NCEH1: variants seen among roughly 807,000 people sequenced by gnomAD.
The protein encoded by NCEH1 is 2-acetyl MAGE hydrolase.
A neutral mutation model predicts 25.4 loss-of-function variants in NCEH1; 9 were observed. That is an observed-to-expected ratio of 0.35 (90% CI 0.21 to 0.62). The LOEUF is 0.62. NCEH1 is among the 20% of genes least tolerant of loss of function. NCEH1 has a pLI of 0.72. For missense variants in NCEH1, 412 were observed against 501.1 expected (o/e 0.82, Z 1.70); for synonymous variants, 200 against 199.8 (o/e 1.00, Z -0.01).
chr3:172,679,768 T>C (rs535775504), intron 1 of NCEH1, among the ~76,000 whole-genome samples: 1 of 152,160 alleles, frequency 6.6e-6, no homozygotes, highest in East Asian at 1.9e-4. Flanking sequence ...TCACTCAATA[T>C]AGTGATTCCC....
Position 172,647,983 on chromosome 3 carries a change from C to T in NCEH1, c.270G>A (p.Val90=), listed in dbSNP as rs758202819. The stretch of plus-strand genomic sequence containing the variant: ...GAGGGCCTTCAAACACTCTGACTTC[C>T]ACACCATCAAAGTCTGTGTCGGTCA... ...VKVTDTDFDG[V]EVRVFEGPPK... Residue 90 remains valine (V), a synonymous_variant, in exon 2 of 5, where the codon GTG becomes GTA. Transcript: ENST00000475381. 5 of 1,614,202 alleles carry T rather than the reference C, an allele frequency of 3.1e-6. No homozygotes were observed. The highest frequency in any genetic ancestry group is 4.2e-6 in the Non-Finnish European group (5 of 1,180,036).
chr3:172,704,412 C>T (rs904190239), intron 1 of NCEH1, among the ~76,000 whole-genome samples: 14 of 152,196 alleles, frequency 9.2e-5, no homozygotes, highest in Admixed American at 5.9e-4. Context: ...GCTCATGCTC[C>T]GAGCTCTCTT....
At chr3:172,652,783 C>A (rs1717463044) in intron 1 of NCEH1, among the ~76,000 whole-genome samples, 1 of 152,090 alleles carries the variant, frequency 6.6e-6, no homozygotes, top group Non-Finnish European at 1.5e-5. Flanking sequence ...ACAACCTTTG[C>A]CTCCCTGGTT....
intron 3 of NCEH1, among the ~76,000 whole-genome samples, chr3:172,637,664 A>G (rs234010): frequency 0.19 from 28,920 of 152,098 alleles, 3,068 homozygotes; most frequent in Non-Finnish European, 0.24. Flanking sequence ...AGAGGCAGTC[A>G]GATCACCTGA....
chr3:172,663,245 T>A (rs1052975770), intron 1 of NCEH1, among the ~76,000 whole-genome samples: 3 of 152,238 alleles, frequency 2.0e-5, no homozygotes, highest in African/African-American at 7.2e-5. Context: ...GAGCAGGTTG[T>A]TCAGTTTCCA....
rs113470472 is a variant in NCEH1, at chr3:172,667,446, G to T, written c.139-19332C>A. Among the ~76,000 whole-genome samples the T allele has an allele frequency of 2.4e-3, 362 of 152,320 alleles. 2 individuals carry two copies. Among genetic ancestry groups the T allele is most frequent in the African/African-American group, 8.4e-3 (348 of 41,568 alleles). ...TTGGGGAGCCAGGCAGATCACACAG[G>T]TTTAGGAAGTCAAAGGGAAATCACA... On this transcript the variant is annotated intron_variant, in intron 1 of 4. Transcript: ENST00000475381.
At chr3:172,687,930 C>G (rs1208529027) in intron 1 of NCEH1, among the ~76,000 whole-genome samples, 1 of 152,178 alleles carries the variant, frequency 6.6e-6, no homozygotes, top group Admixed American at 6.5e-5. Context: ...AGCCCCTAAC[C>G]TGGACAACAA....
intron 1 of NCEH1, among the ~76,000 whole-genome samples, chr3:172,675,327 A>AAATAAATAAATTAATTAATT (rs1553835602): frequency 1.3e-4 from 19 of 148,848 alleles, no homozygotes; most frequent in African/African-American, 4.9e-4. Flanking sequence ...ATAAATAAAT[A>AAATAAATAAATTAATTAATT]AATAAATAAA....
intron 1 of NCEH1, among the ~76,000 whole-genome samples, chr3:172,661,788 T>TGCTTGTGACTTTTGC (rs747606996): frequency 2.6e-5 from 4 of 152,078 alleles, no homozygotes; most frequent in Non-Finnish European, 5.9e-5. Flanking sequence ...CTTATTGGTG[T>TGCTTGTGACTTTTGC]ATAGGAATGC....
chr3:172,659,912 T>A (rs1032373956), intron 1 of NCEH1, among the ~76,000 whole-genome samples: 4 of 152,042 alleles, frequency 2.6e-5, no homozygotes, highest in African/African-American at 9.7e-5. Context: ...TATTAAAAAA[T>A]AATTTTTAGG....
At chr3:172,688,437 C>T (rs534689817) in intron 1 of NCEH1, among the ~76,000 whole-genome samples, 1 of 146,464 alleles carries the variant, frequency 6.8e-6, no homozygotes, top group Admixed American at 6.8e-5. Flanking sequence ...TTTAAGATTT[C>T]TTTTCCCTTC....
rs747979610 is a variant in NCEH1, at chr3:172,711,029, G to A, written c.-45C>T. The A allele has an allele frequency of 6.2e-6, 10 of 1,613,328 alleles. No individual in the cohort carries two copies. The East Asian group carries it at 6.7e-5, about 11-fold the overall frequency. On this transcript the variant is annotated 5_prime_UTR_variant, in exon 1 of 5. Coordinates refer to ENST00000475381, the MANE Select transcript of NCEH1 (RefSeq NM_020792.6). ...CCAGCGGGCTGGCAAAGAGGAAAGG[G>A]CGATACCACCCGGAGACCTCCGGCA...
chr3:172,671,736 A>G (rs1390367698), intron 1 of NCEH1, among the ~76,000 whole-genome samples: 2 of 152,086 alleles, frequency 1.3e-5, no homozygotes, highest in East Asian at 3.8e-4. Flanking sequence ...TAGCATGTAT[A>G]TATACATACA....
intron 1 of NCEH1, among the ~76,000 whole-genome samples, chr3:172,688,717 C>G (rs924537433): frequency 2.6e-5 from 4 of 152,150 alleles, no homozygotes; most frequent in African/African-American, 7.2e-5. Flanking sequence ...CACTCAAATA[C>G]CAGGAAGTAG....
At chr3:172,647,774 G>A in intron 2 of NCEH1, 112 bp downstream of exon 2, 1 of 1,429,312 alleles carries the variant, frequency 7.0e-7, no homozygotes, top group Non-Finnish European at 9.5e-7. Context: ...ACCATCCAGG[G>A]GAACCTAGAT....
At chr3:172,686,281 T>C (rs1429283105) in intron 1 of NCEH1, among the ~76,000 whole-genome samples, 1 of 152,148 alleles carries the variant, frequency 6.6e-6, no homozygotes, top group African/African-American at 2.4e-5. Flanking sequence ...CCCAGCTGAG[T>C]CCCAGCCCAG....
At chr3:172,648,306 G>A (rs930354748) in intron 1 of NCEH1, among the ~76,000 whole-genome samples, 192 bp from the exon 2 acceptor site, 9 of 152,132 alleles carry the variant, frequency 5.9e-5, no homozygotes, top group African/African-American at 1.7e-4. Flanking sequence ...TCATACATGA[G>A]ATCTCCTCAG....
intron 1 of NCEH1, among the ~76,000 whole-genome samples, chr3:172,679,772 G>C (rs1712237165): frequency 6.6e-6 from 1 of 151,954 alleles, no homozygotes; most frequent in African/African-American, 2.4e-5. Flanking sequence ...TCAATATAGT[G>C]ATTCCCGCCA....
At chr3:172,662,424 A>C (rs1451528008) in intron 1 of NCEH1, among the ~76,000 whole-genome samples, 2 of 152,162 alleles carry the variant, frequency 1.3e-5, no homozygotes, top group African/African-American at 4.8e-5. Context: ...TTGGCCTAAA[A>C]TTCTCTTTTT....
Sources: gnomAD v4.1 joint callset for allele counts (sites outside exome capture counted in the v4.1 genomes callset) on GRCh38, gnomAD v4.1.1 for gene constraint, MANE v1.5 for transcripts, NCBI Gene and HGNC (gene_info 2026-07-23, HGNC 2026-07-21) for gene names.